The following BEGAIN variants were observed in gnomAD, a reference collection of about 807,000 sequenced individuals.
BEGAIN encodes brain-enriched guanylate kinase-associated protein.
Under a neutral mutation model 35.8 loss-of-function variants are expected in BEGAIN, and 19 were observed. The ratio of observed to expected loss-of-function variants is 0.53; its 90% confidence interval spans 0.37 to 0.78. The LOEUF (loss-of-function observed/expected upper bound fraction) is 0.78, where lower values mean the gene tolerates loss of function less well. Ranked by LOEUF, BEGAIN falls within the 30% of genes least tolerant of loss-of-function variation. The pLI is 0.00. For synonymous variants in BEGAIN, 462 were observed against 388.6 expected (o/e 1.19, Z -2.22); for missense variants, 795 against 853.6 (o/e 0.93, Z 0.85).
rs1168938929 is a variant in BEGAIN at position 100,563,404 on chromosome 14, T to C, written c.71+4507A>G. Among the ~76,000 whole-genome samples the C allele has an allele frequency of 6.6e-6, 1 of 152,150 alleles. No individual in the cohort carries two copies. The highest frequency in any genetic ancestry group is 1.5e-5 in the Non-Finnish European group (1 of 68,038). ...AAAAAACCTGACACATTCAACAAAA[T>C]TAAAATTAAGAACTTTTGTTCATAG... On this transcript the variant is annotated intron_variant, in intron 2 of 6. Coordinates refer to ENST00000554140, the MANE Select transcript of BEGAIN (RefSeq NM_001385089.1). This position sits in a 1 kb window ranked among gnomAD's most constrained non-coding sequence, Gnocchi z 4.2.
chr14:100,540,480 T>C lies in BEGAIN; in HGVS notation c.492+16A>G. 1.3e-6 allele frequency: 2 copies of C among 1,573,748 alleles called. No individual in the cohort carries two copies. The highest frequency in any genetic ancestry group is 1.7e-6 in the Non-Finnish European group (2 of 1,160,190). On this transcript the variant is annotated intron_variant, in intron 6 of 6. Transcript: ENST00000554140. ...GGTCCCGGGGCGGGGTGGGCCTGGC[T>C]GCGGGGCCACGTTACCTCAGACACC...
At chr14:100,555,315 C>T (rs1046588631) in intron 2 of BEGAIN, among the ~76,000 whole-genome samples, 7 of 152,266 alleles carry the variant, frequency 4.6e-5, no homozygotes, top group Non-Finnish European at 7.3e-5. Context: ...CGGAGCCTCT[C>T]CTGTGCCGGT....
At chr14:100,570,557 A>ACTCTGTGTCCCAG (rs2035047504) in intron 1 of BEGAIN, among the ~76,000 whole-genome samples, 3 of 152,300 alleles carry the variant, frequency 2.0e-5, no homozygotes, top group African/African-American at 7.2e-5. Context: ...ATGGGACAGG[A>ACTCTGTGTCCCAG]CTCTGTGTCC....
intron 4 of BEGAIN, 127 bp downstream of exon 4, chr14:100,544,873 T>G: frequency 1.1e-6 from 1 of 951,334 alleles, no homozygotes; most frequent in Non-Finnish European, 1.7e-6. Context: ...ACATGTTCCA[T>G]GGAGAAAGGG....
intron 2 of BEGAIN, among the ~76,000 whole-genome samples, chr14:100,561,313 G>A (rs1013603004): frequency 2.0e-5 from 3 of 152,212 alleles, no homozygotes; most frequent in African/African-American, 7.2e-5. Context: ...CACCCGAGAC[G>A]GGCAGGCCAC....
In BEGAIN at chr14:100,539,232, G is replaced by A. The variant is rs917294167; in HGVS notation, c.576C>T (p.Ala192=). The part of the protein sequence containing the change: ...CSLPSPLCHP[A]YADSVPTCVI... Reference sequence around the variant, plus strand: ...CGCAGGTGGGGACGCTGTCGGCGTAGGCCGGGTGGCAGAGCGGGGATGGCA... The same window carrying A: ...CGCAGGTGGGGACGCTGTCGGCGTAAGCCGGGTGGCAGAGCGGGGATGGCA... The change falls in exon 7 of 7, where the codon GCC becomes GCT. Residue 192 remains alanine, a synonymous_variant. Coordinates refer to ENST00000554140, the MANE Select transcript of BEGAIN (RefSeq NM_001385089.1). 2.6e-5 allele frequency: 41 copies of A among 1,589,228 alleles called. No individual in the cohort carries two copies. The highest frequency in any genetic ancestry group is 3.4e-5 in the Non-Finnish European group (40 of 1,167,478).
chr14:100,541,724 C>T (rs371709660), intron 5 of BEGAIN, among the ~76,000 whole-genome samples: 10 of 152,354 alleles, frequency 6.6e-5, no homozygotes, highest in African/African-American at 2.2e-4. Context: ...ACTGGGAAGC[C>T]GGTGCCATGC....
At position 100,538,252 on chromosome 14, in the gene BEGAIN, C is replaced by T. The variant is rs750757106; in HGVS notation, c.1556G>A (p.Ser519Asn). Residue 519 changes from serine to asparagine, a missense_variant, in exon 7 of 7, where the codon AGC (serine) becomes AAC (asparagine). Ser to Asn is a conservative substitution (Grantham distance 46). This residue lies in a region of BEGAIN where 664 missense variants were observed against 647.7 expected (regional missense o/e 1.03). Transcript: ENST00000554140. ...GTCAGCCGAGCGGCCGGGACTGAGG[C>T]TCAGGTCGCCGCCCGCCCGCAGGAA... ...PCFLRAGGDL[S>N]LSPGRSADPL... is the part of the protein sequence containing the mutation. The T allele has an allele frequency of 6.4e-7, 1 of 1,567,142 alleles. No individual in the cohort carries two copies. The highest frequency in any genetic ancestry group is 1.2e-5 in the South Asian group (1 of 86,132).
chr14:100,537,672 T>C lies in BEGAIN; in HGVS notation c.*297A>G. The C allele has an allele frequency of 2.5e-6, 1 of 398,982 alleles. No individual in the cohort carries two copies. Among genetic ancestry groups the C allele is most frequent in the Non-Finnish European group, 4.5e-6 (1 of 224,688 alleles). The allele number at this position is 398,982 out of a possible 1,614,324, so 24.7% of individuals were successfully genotyped here. A position where few individuals can be genotyped will look rare whatever the true frequency, so the allele number is the denominator to read the frequency against. ...AGTGCGTTAAGAAAGACCCTTTTTCTCTATAAAAATAGTTTCGCTTTATAA... is the reference window on the plus strand; with the variant it reads ...AGTGCGTTAAGAAAGACCCTTTTTCCCTATAAAAATAGTTTCGCTTTATAA... On this transcript the variant is annotated 3_prime_UTR_variant, in exon 7 of 7. Transcript: ENST00000554140.
intron 1 of BEGAIN, chr14:100,569,460 T>C (rs568333942): frequency 5.2e-5 from 8 of 152,448 alleles, no homozygotes; most frequent in African/African-American, 1.9e-4. Context: ...CTTCTCATGC[T>C]AGGTCCCAGC....
At chr14:100,550,855 G>C (rs377218583) in intron 2 of BEGAIN, among the ~76,000 whole-genome samples, 5 of 152,176 alleles carry the variant, frequency 3.3e-5, no homozygotes, top group African/African-American at 4.8e-5. Context: ...GGCGGGGGGC[G>C]CAGCAGCAGC....
chr14:100,541,219 A>C (rs1014999550), intron 5 of BEGAIN, among the ~76,000 whole-genome samples: 10 of 152,224 alleles, frequency 6.6e-5, no homozygotes, highest in African/African-American at 1.7e-4. Flanking sequence ...CGCCACTGAA[A>C]ATCTCTGTTG....
chr14:100,574,320 G>A (rs2035155519), intron 1 of BEGAIN, among the ~76,000 whole-genome samples: 1 of 152,184 alleles, frequency 6.6e-6, no homozygotes, highest in Non-Finnish European at 1.5e-5. Flanking sequence ...TTGGGCACCT[G>A]GCCTCGGCTG....
Position 100,539,298 on chromosome 14 carries a change from C to T in BEGAIN, c.510G>A (p.Gln170=). Residue 170 remains glutamine (Q), a synonymous_variant, in exon 7 of 7, where the codon CAG becomes CAA. Coordinates refer to ENST00000554140, the MANE Select transcript of BEGAIN (RefSeq NM_001385089.1). The stretch of plus-strand genomic sequence containing the variant: ...TCTCCATGTGCAGGCTCACGCGCTC[C>T]TGGAAATCCGAGGGCAGCTGGAACG... ...HKVSELPSDF[Q]ERVSLHMEKH... 1 of 1,558,402 alleles carries T rather than the reference C, an allele frequency of 6.4e-7. No homozygotes were observed. Among genetic ancestry groups the T allele is most frequent in the Non-Finnish European group, 8.7e-7 (1 of 1,153,976 alleles).
rs142511766 is a variant in BEGAIN, at chr14:100,538,794, G to A, written c.1014C>T (p.Thr338=). 1.8e-3 allele frequency: 2,831 copies of A among 1,598,322 alleles called. 9 individuals carry two copies. Among genetic ancestry groups the A allele is most frequent in the Non-Finnish European group, 2.2e-3 (2,613 of 1,174,380 alleles). ...TCAGGTAGATGGCCTGCTGCGACGC[G>A]GTCAGCGTGCTGGCCTGCGCGTGCT... is the stretch of plus-strand genomic sequence containing the variant. ...EKEHAQASTL[T]ASQQAIYLNS... The change falls in exon 7 of 7, where the codon ACC becomes ACT. Residue 338 remains threonine (T), a synonymous_variant. Coordinates refer to ENST00000554140, the MANE Select transcript of BEGAIN (RefSeq NM_001385089.1).
intron 2 of BEGAIN, among the ~76,000 whole-genome samples, chr14:100,562,986 C>T (rs546090657): frequency 6.6e-6 from 1 of 152,254 alleles, no homozygotes; most frequent in African/African-American, 2.4e-5. Context: ...AGGGCCGGCT[C>T]ACGGGGCCCA....
Position 100,567,954 on chromosome 14 carries a change from A to G in BEGAIN, c.43-15T>C. The stretch of plus-strand genomic sequence containing the variant: ...GCGGCAGAGGCCTGCGAGAAACCAA[A>G]CGAGAGGGTCAGCAGGCAGGAGGCG... On this transcript the variant is annotated splice_polypyrimidine_tract_variant and intron_variant, in intron 1 of 6. Coordinates refer to ENST00000554140, the MANE Select transcript of BEGAIN (RefSeq NM_001385089.1). The surrounding 1 kb of genome is among the most constrained non-coding windows in gnomAD (Gnocchi z 5.1). 1 of 1,449,352 alleles carries G rather than the reference A, an allele frequency of 6.9e-7. No individual in the cohort carries two copies. Among genetic ancestry groups the G allele is most frequent in the Non-Finnish European group, 9.2e-7 (1 of 1,089,984 alleles). The allele number at this position is 1,449,352 out of a possible 1,614,324, so 89.8% of individuals were successfully genotyped here.
intron 1 of BEGAIN, among the ~76,000 whole-genome samples, chr14:100,584,027 C>T (rs1392837558): frequency 6.6e-6 from 1 of 152,158 alleles, no homozygotes; most frequent in Non-Finnish European, 1.5e-5. Flanking sequence ...CCCATCCATC[C>T]GCTGCTCTAT....
intron 4 of BEGAIN, 33 bp from the exon 5 acceptor site, chr14:100,543,998 TG>T (rs753846388): frequency 8.4e-6 from 13 of 1,548,156 alleles, no homozygotes; most frequent in Non-Finnish European, 1.1e-5. Flanking sequence ...AGGAGGCCCG[TG>T]GTTGGCTCCT....
Sources: gnomAD v4.1 joint callset for allele counts (sites outside exome capture counted in the v4.1 genomes callset) on GRCh38, gnomAD v4.1.1 for gene constraint, gnomAD v4.1.1 regional missense constraint, Gnocchi (gnomAD v3.1) non-coding constraint, MANE v1.5 for transcripts, NCBI Gene and HGNC (gene_info 2026-07-23, HGNC 2026-07-21) for gene names.